The following PIP5K1B variants were observed in gnomAD, a reference collection of about 807,000 sequenced individuals.
PIP5K1B encodes phosphatidylinositol-4-phosphate 5-kinase type 1 beta.
A neutral mutation model predicts 67.0 loss-of-function variants in PIP5K1B; 42 were observed. The observed-to-expected ratio is 0.63, with a 90% CI of 0.49 to 0.81. The LOEUF (loss-of-function observed/expected upper bound fraction) is 0.81, where lower values mean the gene tolerates loss of function less well. Among genes scored for constraint, PIP5K1B ranks in the 30% least tolerant of loss-of-function variants. The pLI is 0.00. For missense variants in PIP5K1B, 459 were observed against 646.3 expected, an observed-to-expected ratio of 0.71 and a Z score of 3.14; for synonymous variants, 214 against 231.4, an observed-to-expected ratio of 0.92 and a Z score of 0.68.
At chr9:68,855,746 ATCACTTTC>A (rs1232427212) in intron 4 of PIP5K1B, among the ~76,000 whole-genome samples, 4 of 152,082 alleles carry the variant, frequency 2.6e-5, no homozygotes, top group Admixed American at 2.6e-4. Context: ...ACTGCCCCCA[ATCACTTTC>A]CTGCCTATAA....
chr9:68,781,194 C>A, intron 2 of PIP5K1B: 1 of 848,528 alleles, frequency 1.2e-6, no homozygotes, highest in South Asian at 1.8e-5. Context: ...ATGTCAGGTT[C>A]CTTTGGATAC....
chr9:68,979,807 C>A (rs144634099), intron 14 of PIP5K1B, among the ~76,000 whole-genome samples: 122 of 152,316 alleles, frequency 8.0e-4, no homozygotes, highest in Non-Finnish European at 1.5e-3. Context: ...AGGAGAGAGC[C>A]TGCTGCTCTG....
Position 68,893,288 on chromosome 9 carries a change from A to T in PIP5K1B, c.472-1051A>T, listed in dbSNP as rs143195624. Among the ~76,000 whole-genome samples, 262 of 149,176 alleles carry T rather than the reference A, an allele frequency of 1.8e-3. 6 individuals are homozygous for T. The East Asian group carries it at 0.042, about 24-fold the overall frequency. ...TGTAAACTATTTTAATTTCTTATCT[A>T]CTTTAAAAGGGAACAAAAGTAGGCA... is the stretch of plus-strand genomic sequence containing the variant. On this transcript the variant is annotated intron_variant, in intron 7 of 15. Transcript: ENST00000265382.
At chr9:68,824,254 C>T (rs1833873980) in intron 4 of PIP5K1B, 1 of 518,616 alleles carries the variant, frequency 1.9e-6, no homozygotes, top group Admixed American at 1.9e-5. Flanking sequence ...CACTGAAATT[C>T]TTGACCAAAT....
intron 4 of PIP5K1B, among the ~76,000 whole-genome samples, chr9:68,846,974 T>A (rs1355581447): frequency 6.6e-6 from 1 of 152,176 alleles, no homozygotes; most frequent in Non-Finnish European, 1.5e-5. Flanking sequence ...GGACCAAAAT[T>A]GAGGCACAAG....
chr9:68,822,927 A>G (rs1833800865), intron 4 of PIP5K1B, among the ~76,000 whole-genome samples: 1 of 152,072 alleles, frequency 6.6e-6, no homozygotes, highest in Non-Finnish European at 1.5e-5. Flanking sequence ...GCAGAGCTGT[A>G]TTCCTTCCTG....
intron 15 of PIP5K1B, among the ~76,000 whole-genome samples, chr9:69,007,582 G>A (rs913593208): frequency 6.6e-6 from 1 of 152,212 alleles, no homozygotes; most frequent in Admixed American, 6.5e-5. Context: ...ATCAGGCCGG[G>A]TGAGGTGGCT....
chr9:68,865,268 C>T (rs956555914), intron 5 of PIP5K1B, among the ~76,000 whole-genome samples: 2 of 150,922 alleles, frequency 1.3e-5, no homozygotes, highest in African/African-American at 4.9e-5. Context: ...TGGAAATGTT[C>T]TCTGTGTTTG....
intron 4 of PIP5K1B, among the ~76,000 whole-genome samples, chr9:68,834,976 C>T (rs561581661): frequency 6.6e-6 from 1 of 152,060 alleles, no homozygotes; most frequent in Admixed American, 6.5e-5. Flanking sequence ...CTATTCTTTC[C>T]AGATGTTGGC....
intron 1 of PIP5K1B, among the ~76,000 whole-genome samples, chr9:68,726,166 G>A (rs1042848665): frequency 1.3e-5 from 2 of 152,120 alleles, no homozygotes; most frequent in African/African-American, 2.4e-5. Context: ...AAATGCTTGA[G>A]GTGATAGATA....
At chr9:68,780,086 G>GCATCAAAAA in intron 2 of PIP5K1B, 1 of 1,377,126 alleles carries the variant, frequency 7.3e-7, no homozygotes. Context: ...GGCGGCGGCA[G>GCATCAAAAA]CGGCGGCGGC....
chr9:68,997,526 G>A (rs1460748168), intron 15 of PIP5K1B, among the ~76,000 whole-genome samples: 1 of 152,216 alleles, frequency 6.6e-6, no homozygotes, highest in Admixed American at 6.5e-5. Context: ...TGCGTTTGGT[G>A]TAGAAGGCAT....
At chr9:68,846,493 A>G (rs1822199203) in intron 4 of PIP5K1B, among the ~76,000 whole-genome samples, 1 of 152,214 alleles carries the variant, frequency 6.6e-6, no homozygotes, top group African/African-American at 2.4e-5. Context: ...TAGTCCTTAC[A>G]TCTGCTGGAT....
chr9:68,889,721 C>T (rs1449417153), intron 7 of PIP5K1B, among the ~76,000 whole-genome samples: 7 of 127,456 alleles, frequency 5.5e-5, no homozygotes, highest in African/African-American at 9.3e-5. Flanking sequence ...GGCGACAGAG[C>T]GAGACTCCTT....
At chr9:68,768,484 AATTCAC>A (rs1830537316) in intron 2 of PIP5K1B, among the ~76,000 whole-genome samples, 1 of 152,206 alleles carries the variant, frequency 6.6e-6, no homozygotes, top group South Asian at 2.1e-4. Context: ...GCAGAAGAGG[AATTCAC>A]AGTCCTGGGG....
At chr9:68,879,635 A>T (rs1228376216) in intron 6 of PIP5K1B, among the ~76,000 whole-genome samples, 1 of 152,126 alleles carries the variant, frequency 6.6e-6, no homozygotes, top group East Asian at 1.9e-4. Flanking sequence ...AATACAGGAG[A>T]TCTATTCTAC....
chr9:68,802,252 G>GTGC (rs1226899703), intron 2 of PIP5K1B, among the ~76,000 whole-genome samples: 3 of 152,190 alleles, frequency 2.0e-5, no homozygotes, highest in Admixed American at 2.0e-4. Context: ...TGATTATCCA[G>GTGC]TGCTAAAAGG....
chr9:68,797,244 A>G (rs1298689828), intron 2 of PIP5K1B, among the ~76,000 whole-genome samples: 1 of 152,220 alleles, frequency 6.6e-6, no homozygotes, highest in Non-Finnish European at 1.5e-5. Flanking sequence ...ACATATGTCC[A>G]AGATGCTACA....
At chr9:68,729,912 G>A (rs1828338315) in intron 1 of PIP5K1B, among the ~76,000 whole-genome samples, 1 of 151,578 alleles carries the variant, frequency 6.6e-6, no homozygotes, top group South Asian at 2.1e-4. Context: ...CCCTTTTCAA[G>A]GGAAAATAAG....
Sources: gnomAD v4.1 joint callset for allele counts (sites outside exome capture counted in the v4.1 genomes callset) on GRCh38, gnomAD v4.1.1 for gene constraint, MANE v1.5 for transcripts, NCBI Gene and HGNC (gene_info 2026-07-23, HGNC 2026-07-21) for gene names.